The following AMY2B variants were observed in gnomAD, a reference collection of about 807,000 sequenced individuals.
AMY2B encodes alpha-amylase 2B.
AMY2B carries 63 observed loss-of-function variants against 59.3 expected under a neutral mutation model. The observed-to-expected ratio is 1.06, with a 90% CI of 0.87 to 1.31. AMY2B has a LOEUF of 1.31. AMY2B is among the 50% of genes most tolerant of loss of function. The pLI, the probability that AMY2B is intolerant of heterozygous loss-of-function variation, is 0.00. For missense variants in AMY2B, 635 were observed against 626.7 expected (o/e 1.01, Z -0.14); for synonymous variants, 180 against 198.1 (o/e 0.91, Z 0.77).
chr1:103,561,933 A>G (rs1440749625), intron 1 of AMY2B: 1 of 152,142 alleles, frequency 6.6e-6, no homozygotes, highest in Non-Finnish European at 1.5e-5. Context: ...AGGGCCACAT[A>G]TTGAAAGTAA....
chr1:103,577,884 T>G, intron 9 of AMY2B, 39 bp downstream of exon 9: 1 of 1,595,920 alleles, frequency 6.3e-7, no homozygotes, highest in African/African-American at 1.3e-5. Flanking sequence ...TTTGTACCTG[T>G]ATGCTCTTGG....
Position 103,573,205 on chromosome 1 carries a change from A to G in AMY2B, c.458A>G (p.Asp153Gly). The change falls in exon 3 of 10, where the codon GAT becomes GGT. Residue 153 changes from aspartate (D) to glycine (G), a missense_variant. Physicochemically the swap from Asp to Gly is moderately conservative, Grantham distance 94. Coordinates refer to ENST00000684275, the MANE Select transcript of AMY2B (RefSeq NM_001387437.1). ...CCATATTCTGGATGGGATTTTAATGATGGTAAATGTAAAACTGGAAGTGGA... is the reference window on the plus strand; with the variant it reads ...CCATATTCTGGATGGGATTTTAATGGTGGTAAATGTAAAACTGGAAGTGGA... ...AVPYSGWDFN[D>G]GKCKTGSGDI... 6.2e-7 allele frequency: 1 copy of G among 1,613,744 alleles called. No homozygotes were observed. The highest frequency in any genetic ancestry group is 8.5e-7 in the Non-Finnish European group (1 of 1,179,688).
At chr1:103,577,982 T>G in intron 9 of AMY2B, 137 bp downstream of exon 9, 3 of 1,515,900 alleles carry the variant, frequency 2.0e-6, no homozygotes, top group Non-Finnish European at 2.6e-6. Flanking sequence ...ACATCAAAAT[T>G]GGGCAGAAGT....
At chr1:103,575,184 A>C (rs1231581114) in intron 5 of AMY2B, 39 bp from the exon 6 acceptor site, 1 of 1,612,062 alleles carries the variant, frequency 6.2e-7, no homozygotes, top group Non-Finnish European at 8.5e-7. Flanking sequence ...AACTATTGTG[A>C]AATGATACAT....
chr1:103,577,722 A>G lies in AMY2B; in HGVS notation c.1223A>G (p.Asn408Ser), dbSNP rs1448631433. The G allele has an allele frequency of 1.2e-6, 2 of 1,611,676 alleles. No individual in the cohort carries two copies. The highest frequency in any genetic ancestry group is 4.5e-5 in the East Asian group (2 of 44,860). Residue 408 changes from asparagine (N) to serine (S), a missense_variant and splice_region_variant, in exon 9 of 10, where the codon AAC becomes AGC. Transcript: ENST00000684275. ...VCEHRWRQIR[N>S]MVNFRNVVDG... is the part of the protein sequence containing the mutation. ...TTTATATGGTATTGTGTTTTTAGGAACATGGTTAATTTCCGCAATGTAGTG... is the reference window on the plus strand; with the variant it reads ...TTTATATGGTATTGTGTTTTTAGGAGCATGGTTAATTTCCGCAATGTAGTG...
intron 1 of AMY2B, among the ~76,000 whole-genome samples, chr1:103,560,513 C>T (rs1015655629): frequency 2.6e-5 from 4 of 152,022 alleles, no homozygotes; most frequent in Admixed American, 6.6e-5. Flanking sequence ...AACATTTAAT[C>T]AATTTACATT....
chr1:103,573,084 G>C lies in AMY2B; in HGVS notation c.337G>C (p.Val113Leu), dbSNP rs139026811. Reference protein sequence around the residue: ...NVGVRIYVDAVINHMSGNAVS... With the variant: ...NVGVRIYVDALINHMSGNAVS... ...CTAGGTTCGTATTTATGTGGATGCT[G>C]TAATTAATCATATGTCTGGTAATGC... The change falls in exon 3 of 10, where the codon GTA becomes CTA. Residue 113 changes from valine to leucine, a missense_variant. Transcript: ENST00000684275. 1 of 1,613,704 alleles carries C rather than the reference G, an allele frequency of 6.2e-7. No homozygotes were observed. Among genetic ancestry groups the C allele is most frequent in the South Asian group, 1.1e-5 (1 of 91,070 alleles).
chr1:103,559,034 A>G (rs561862829), intron 1 of AMY2B, among the ~76,000 whole-genome samples: 4 of 152,224 alleles, frequency 2.6e-5, no homozygotes, highest in African/African-American at 7.2e-5. Context: ...ACTACATTGT[A>G]TATAAAAGAC....
chr1:103,560,868 G>T (rs1015604780), intron 1 of AMY2B, among the ~76,000 whole-genome samples: 3 of 151,998 alleles, frequency 2.0e-5, no homozygotes, highest in Non-Finnish European at 2.9e-5. Context: ...CAATGAAAGG[G>T]AATATAAGAC....
rs1652324504 is a variant in AMY2B, at chr1:103,575,662, G to A, written c.1101+122G>A. 1.1e-5 allele frequency: 15 copies of A among 1,426,556 alleles called. 1 individual carries two copies. The South Asian group carries it at 1.6e-4, about 16-fold the overall frequency. The allele number at this position is 1,426,556 out of a possible 1,614,324, so 88.4% of individuals were successfully genotyped here. A position where few individuals can be genotyped will look rare whatever the true frequency, so the allele number is the denominator to read the frequency against. On this transcript the variant is annotated intron_variant, in intron 7 of 9. Transcript: ENST00000684275. ...AATAATTGATTAGAAACCTGATATA[G>A]GGCTGCGATTTTAGTAATGCAGGTT... is the stretch of plus-strand genomic sequence containing the variant.
rs1652410348 is a variant in AMY2B at position 103,577,594 on chromosome 1, A to T, written c.1206A>T (p.Arg402=). Residue 402 remains arginine (R), a synonymous_variant, in exon 8 of 10, where the codon CGA becomes CGT. Coordinates refer to ENST00000684275, the MANE Select transcript of AMY2B (RefSeq NM_001387437.1). ...GCAATGACTGGGTCTGTGAACATCG[A>T]TGGCGCCAAATAAGGTGAGAATATG... is the stretch of plus-strand genomic sequence containing the variant. ...TCGNDWVCEH[R]WRQIRNMVNF... 1.2e-6 allele frequency: 2 copies of T among 1,611,794 alleles called. No individual in the cohort carries two copies. The highest frequency in any genetic ancestry group is 1.7e-6 in the Non-Finnish European group (2 of 1,179,798).
rs1465736520 is a variant in AMY2B, at chr1:103,560,302, CAGAG to C, written c.-206-5130_-206-5127del. Among the ~76,000 whole-genome samples, 7 of 152,084 alleles carry C rather than the reference CAGAG, an allele frequency of 4.6e-5. No individual in the cohort carries two copies. The East Asian group carries it at 1.3e-3, about 29-fold the overall frequency. Reference sequence around the variant, plus strand: ...AACATATATTTGTTGAATTTCTAGTCAGAGAGTCAAACATTTTTAATTATAAATG... The same window carrying C: ...AACATATATTTGTTGAATTTCTAGTCAGTCAAACATTTTTAATTATAAATG... On this transcript the variant is annotated intron_variant, in intron 1 of 11. Transcript: ENST00000361355.
chr1:103,579,257 C>CTGTA, intron 9 of AMY2B, 54 bp from the exon 10 acceptor site: 1 of 1,611,214 alleles, frequency 6.2e-7, no homozygotes, highest in Non-Finnish European at 8.5e-7. Context: ...TTGTGTTAGC[C>CTGTA]TGTATTCTTG....
At chr1:103,567,636 C>T (rs191337357), upstream of AMY2B, among the ~76,000 whole-genome samples, 9 of 152,268 alleles carry the variant, frequency 5.9e-5, no homozygotes, top group Admixed American at 5.2e-4. Context: ...TCTTATCCTC[C>T]TATAATCTGG....
exon 1 of AMY2B, chr1:103,554,927 C>T (rs1435648126): frequency 6.6e-6 from 1 of 152,112 alleles, no homozygotes; most frequent in Non-Finnish European, 1.5e-5. Context: ...GTTATACTGA[C>T]ATGATTCACT....
intron 1 of AMY2B, chr1:103,555,352 T>G (rs1011274205): frequency 2.6e-5 from 4 of 151,876 alleles, no homozygotes; most frequent in African/African-American, 9.7e-5. Flanking sequence ...TACTGCCTTT[T>G]AAAAATTCTT....
chr1:103,575,954 A>C lies in AMY2B; in HGVS notation c.1101+414A>C, dbSNP rs556693225. ...TAAATGTTCGTTAAATATTTTTAAA[A>C]AGTTATATGGAATACAAAAAAATGA... On this transcript the variant is annotated intron_variant, in intron 7 of 9. Coordinates refer to ENST00000684275, the MANE Select transcript of AMY2B (RefSeq NM_001387437.1). Among the ~76,000 whole-genome samples the C allele has an allele frequency of 2.0e-5, 3 of 152,278 alleles. No homozygotes were observed. The East Asian group carries it at 5.8e-4, about 29-fold the overall frequency.
In AMY2B at chr1:103,574,240, T is replaced by G. The variant is rs1652255160; in HGVS notation, c.745-20T>G. On this transcript the variant is annotated intron_variant, in intron 4 of 9. Transcript: ENST00000684275. The stretch of plus-strand genomic sequence containing the variant: ...TAAAGTCCTTATGCAAAATGTTACT[T>G]TTTCCTAATTTTCTACTAGGTAATT... 2 of 1,611,700 alleles carry G rather than the reference T, an allele frequency of 1.2e-6. No homozygotes were observed. The highest frequency in any genetic ancestry group is 2.2e-5 in the East Asian group (1 of 44,852).
chr1:103,571,458 G>C (rs1436922096), upstream of AMY2B: 3 of 1,481,138 alleles, frequency 2.0e-6, no homozygotes, highest in African/African-American at 4.2e-5. Flanking sequence ...TCTCCTGTTA[G>C]GATTATTATT....
Sources: allele counts gnomAD v4.1 joint callset (sites outside exome capture counted in the v4.1 genomes callset), GRCh38; gene constraint gnomAD v4.1.1; transcripts MANE v1.5; gene names NCBI Gene and HGNC (gene_info 2026-07-23, HGNC 2026-07-21).